Variants in TNKS observed in about 807,000 individuals in gnomAD.
TNKS encodes poly [ADP-ribose] polymerase tankyrase-1.
In TNKS, 72 loss-of-function variants were observed where a neutral mutation model predicts 135.8. The observed-to-expected ratio is 0.53, with a 90% CI of 0.44 to 0.64. The LOEUF (loss-of-function observed/expected upper bound fraction) is 0.64. Ranked by LOEUF, TNKS falls within the 30% of genes least tolerant of loss-of-function variation. TNKS has a pLI of 0.00. For synonymous variants in TNKS, 849 were observed against 649.3 expected, an observed-to-expected ratio of 1.31 and a Z score of -4.68; for missense variants, 1,769 against 1,674.0, an observed-to-expected ratio of 1.06 and a Z score of -0.99.
intron 2 of TNKS, among the ~76,000 whole-genome samples, chr8:9,602,425 C>T (rs912489657): frequency 6.6e-6 from 1 of 152,200 alleles, no homozygotes; most frequent in African/African-American, 2.4e-5. Context: ...CACGCCTCCT[C>T]ACAAATGGGA....
At chr8:9,762,116 C>CAATCT (rs571355859) in intron 21 of TNKS, among the ~76,000 whole-genome samples, 79 of 152,150 alleles carry the variant, frequency 5.2e-4, no homozygotes, top group Non-Finnish European at 9.4e-4. Context: ...TGGTTTTTTA[C>CAATCT]AATCTAACCT....
In TNKS at chr8:9,614,650, G is replaced by A. The variant is rs186686201; in HGVS notation, c.899-932G>A. Among the ~76,000 whole-genome samples, 5 of 152,226 alleles carry A rather than the reference G, an allele frequency of 3.3e-5. No individual in the cohort carries two copies. The Middle Eastern group carries it at 0.01, about 311-fold the overall frequency. ...GAATGAAAATTTGGGACTCATCAAC[G>A]GTAGTGCCTCATAACTTACAATTGA... is the stretch of plus-strand genomic sequence containing the variant. On this transcript the variant is annotated intron_variant, in intron 2 of 26. Transcript: ENST00000310430.
intron 3 of TNKS, among the ~76,000 whole-genome samples, chr8:9,617,916 C>A (rs1375800149): frequency 6.6e-6 from 1 of 150,496 alleles, no homozygotes; most frequent in African/African-American, 2.4e-5. Context: ...GTGCATTAGT[C>A]TAAACTGTGT....
intron 3 of TNKS, among the ~76,000 whole-genome samples, chr8:9,670,493 G>C (rs749930322): frequency 6.6e-6 from 1 of 152,056 alleles, no homozygotes; most frequent in African/African-American, 2.4e-5. Context: ...TTATTGTGTA[G>C]TTTCTTCTTA....
At chr8:9,725,115 C>T (rs1053061150) in intron 12 of TNKS, among the ~76,000 whole-genome samples, 2 of 152,016 alleles carry the variant, frequency 1.3e-5, no homozygotes, top group Non-Finnish European at 2.9e-5. Flanking sequence ...CCTATAAATG[C>T]GGTAGTGTAT....
At position 9,773,798 on chromosome 8, in the gene TNKS, T is replaced by C. The variant is rs540401089; in HGVS notation, c.3898-2852T>C. Among the ~76,000 whole-genome samples, 148 of 152,300 alleles carry C rather than the reference T, an allele frequency of 9.7e-4. 1 individual carries two copies. The highest frequency in any genetic ancestry group is 9.6e-3 in the Admixed American group (147 of 15,306). On this transcript the variant is annotated intron_variant, in intron 26 of 26. Coordinates refer to ENST00000310430, the MANE Select transcript of TNKS (RefSeq NM_003747.3). ...TCCGGGGAGGATAATTGCTCTTCCA[T>C]ATTCAGGTATACTTGTACACATGGA...
At chr8:9,584,801 G>C (rs1420607119) in intron 2 of TNKS, among the ~76,000 whole-genome samples, 2 of 152,192 alleles carry the variant, frequency 1.3e-5, no homozygotes, top group Non-Finnish European at 2.9e-5. Context: ...GACAGAGTAT[G>C]TTCCCTTTGG....
chr8:9,609,143 CT>C (rs1374969556), intron 2 of TNKS, among the ~76,000 whole-genome samples: 24 of 152,044 alleles, frequency 1.6e-4, no homozygotes, highest in African/African-American at 5.8e-4. Context: ...AAGCATGGTT[CT>C]TTTTGTAATA....
Position 9,779,175 on chromosome 8 carries a change from C to G in TNKS, c.*2439C>G, listed in dbSNP as rs1808362367. 1 of 152,464 alleles carries G rather than the reference C, an allele frequency of 6.6e-6. No individual in the cohort carries two copies. Among genetic ancestry groups the G allele is most frequent in the South Asian group, 2.1e-4 (1 of 4,824 alleles). 9.4% of individuals were successfully genotyped at this position (152,464 alleles called of 1,614,324 possible). On this transcript the variant is annotated 3_prime_UTR_variant, in exon 27 of 27. Transcript: ENST00000310430. ...GGGTTAATGGATATATCAGAGGAGC[C>G]AAATACATTTTTTTCAGAACTTGAA...
intron 2 of TNKS, among the ~76,000 whole-genome samples, chr8:9,614,791 A>G (rs1172278014): frequency 1.3e-5 from 2 of 152,130 alleles, no homozygotes; most frequent in African/African-American, 2.4e-5. Context: ...ACGTATACAC[A>G]CCACATACCA....
intron 11 of TNKS, among the ~76,000 whole-genome samples, chr8:9,719,347 G>A (rs934484569): frequency 2.0e-5 from 3 of 151,890 alleles, no homozygotes; most frequent in African/African-American, 7.3e-5. Flanking sequence ...TAATCAACCA[G>A]CATATAATTG....
intron 2 of TNKS, among the ~76,000 whole-genome samples, chr8:9,582,658 G>A (rs1339662944): frequency 1.3e-5 from 2 of 152,176 alleles, no homozygotes; most frequent in Admixed American, 1.3e-4. Flanking sequence ...CATGTAAAAT[G>A]AGAATACTGT....
intron 1 of TNKS, among the ~76,000 whole-genome samples, chr8:9,564,526 G>A (rs573882095): frequency 2.2e-4 from 34 of 152,336 alleles, no homozygotes; most frequent in Admixed American, 3.9e-4. Context: ...AAACACTATA[G>A]TAGTTTAGTC....
At chr8:9,742,341 A>G (rs1371427075) in intron 17 of TNKS, among the ~76,000 whole-genome samples, 2 of 149,468 alleles carry the variant, frequency 1.3e-5, no homozygotes, top group African/African-American at 4.9e-5. Context: ...TTGGTCAGAT[A>G]CATGAGTGTG....
At chr8:9,760,325 A>G (rs1460925286) in intron 20 of TNKS, among the ~76,000 whole-genome samples, 5 of 152,198 alleles carry the variant, frequency 3.3e-5, no homozygotes, top group Non-Finnish European at 5.9e-5. Context: ...TATTGCTTAA[A>G]TGGCCACTTA....
At chr8:9,640,290 G>A (rs1346169665) in intron 3 of TNKS, among the ~76,000 whole-genome samples, 5 of 152,164 alleles carry the variant, frequency 3.3e-5, no homozygotes, top group South Asian at 2.1e-4. Context: ...GTTATTCCAC[G>A]GCAGACGGCA....
chr8:9,606,761 G>A (rs55917145), intron 2 of TNKS, among the ~76,000 whole-genome samples: 43,694 of 151,838 alleles, frequency 0.29, 6,582 homozygotes, highest in East Asian at 0.38. Flanking sequence ...TTTTTATTCA[G>A]TAGTGGACAT....
chr8:9,664,352 G>A (rs527482908), intron 3 of TNKS, among the ~76,000 whole-genome samples: 1 of 152,276 alleles, frequency 6.6e-6, no homozygotes, highest in East Asian at 1.9e-4. Flanking sequence ...AACTAATAGA[G>A]TGAGAACTCA....
intron 12 of TNKS, among the ~76,000 whole-genome samples, chr8:9,724,607 T>G (rs1401286135): frequency 2.0e-5 from 3 of 152,196 alleles, no homozygotes; most frequent in African/African-American, 7.2e-5. Context: ...GGGCTGTATG[T>G]AAGTCATTTC....
Sources: gnomAD v4.1 joint callset for allele counts (sites outside exome capture counted in the v4.1 genomes callset) on GRCh38, gnomAD v4.1.1 for gene constraint, MANE v1.5 for transcripts, NCBI Gene and HGNC (gene_info 2026-07-23, HGNC 2026-07-21) for gene names.